Variants in TCF12 observed in about 807,000 individuals in gnomAD.
TCF12 encodes transcription factor 12.
A neutral mutation model predicts 86.0 loss-of-function variants in TCF12; 45 were observed. The ratio of observed to expected loss-of-function variants is 0.52; its 90% CI spans 0.41 to 0.67. TCF12 has a LOEUF of 0.67. Ranked by LOEUF, TCF12 falls within the 30% of genes least tolerant of loss-of-function variation. The pLI is 0.00. For missense variants in TCF12, 881 were observed against 859.9 expected (o/e 1.02, Z -0.31); for synonymous variants, 330 against 299.6 (o/e 1.10, Z -1.05).
intron 5 of TCF12, among the ~76,000 whole-genome samples, chr15:57,123,250 G>C (rs1381233713): frequency 6.6e-6 from 1 of 152,230 alleles, no homozygotes; most frequent in Non-Finnish European, 1.5e-5. Flanking sequence ...ATGAAAGTCT[G>C]AGGCTTTTGC....
chr15:57,285,845 T>C (rs1241824672), intron 20 of TCF12, among the ~76,000 whole-genome samples: 3 of 152,204 alleles, frequency 2.0e-5, no homozygotes, highest in Non-Finnish European at 2.9e-5. Flanking sequence ...GGAGGATTGC[T>C]TGAGCCCAGG....
chr15:57,173,922 G>T (rs1452618724), intron 6 of TCF12, among the ~76,000 whole-genome samples: 3 of 151,810 alleles, frequency 2.0e-5, no homozygotes, highest in African/African-American at 7.3e-5. Context: ...TGGCCAGGCG[G>T]GTCTCAAACC....
intron 5 of TCF12, among the ~76,000 whole-genome samples, chr15:57,160,685 T>C (rs2054441600): frequency 1.3e-5 from 2 of 152,018 alleles, no homozygotes; most frequent in African/African-American, 4.8e-5. Flanking sequence ...GGGGTTTTTT[T>C]GTTTGTGTTT....
intron 3 of TCF12, among the ~76,000 whole-genome samples, chr15:57,021,526 AT>A (rs1457391811): frequency 6.6e-6 from 1 of 152,206 alleles, no homozygotes; most frequent in African/African-American, 2.4e-5. Context: ...TGAGAATGCT[AT>A]TCAGAATGAG....
chr15:56,956,516 T>C (rs1376387771), intron 3 of TCF12, among the ~76,000 whole-genome samples: 3 of 152,158 alleles, frequency 2.0e-5, no homozygotes. Context: ...CATATTTCTA[T>C]CTGGAATCAT....
chr15:57,066,130 T>C (rs1313711886), intron 4 of TCF12, among the ~76,000 whole-genome samples: 1 of 152,142 alleles, frequency 6.6e-6, no homozygotes, highest in Non-Finnish European at 1.5e-5. Flanking sequence ...CAAGGAGAAC[T>C]TTATGGTTGT....
At chr15:56,994,597 G>C (rs530198538) in intron 3 of TCF12, among the ~76,000 whole-genome samples, 31 of 152,116 alleles carry the variant, frequency 2.0e-4, no homozygotes, top group South Asian at 1.2e-3. Flanking sequence ...TTGCTCCTTG[G>C]GGGGAGCAAT....
chr15:57,256,410 G>C (rs1416605108), intron 16 of TCF12, among the ~76,000 whole-genome samples: 2 of 152,040 alleles, frequency 1.3e-5, no homozygotes, highest in East Asian at 3.9e-4. Flanking sequence ...GATTTTGGGG[G>C]CATGTTTTTG....
intron 5 of TCF12, among the ~76,000 whole-genome samples, chr15:57,111,370 C>T (rs1419544270): frequency 6.6e-6 from 1 of 152,080 alleles, no homozygotes; most frequent in Admixed American, 6.5e-5. Context: ...CCTTTTCTCT[C>T]TAAGACCTAA....
In TCF12 at chr15:57,132,577, C is replaced by T. The variant is rs545838754; in HGVS notation, c.326-33825C>T. 1.8e-4 allele frequency among the ~76,000 whole-genome samples: 28 copies of T among 152,248 alleles called. No homozygotes were observed. The South Asian group carries it at 1.9e-3, about 10-fold the overall frequency. ...TGGAATCTAAGGACCTTTAAGGTGC[C>T]GAATTGCCCTCTGAATTATCAAAGA... On this transcript the variant is annotated intron_variant, in intron 5 of 20. Transcript: ENST00000333725.
Position 57,266,729 on chromosome 15 carries a change from GTTC to G in TCF12, c.1745+3457_1745+3459del, listed in dbSNP as rs545585730. Among the ~76,000 whole-genome samples, 805 of 152,190 alleles carry G rather than the reference GTTC, an allele frequency of 5.3e-3. 2 individuals carry two copies. Among genetic ancestry groups the G allele is most frequent in the Non-Finnish European group, 7.8e-3 (532 of 68,002 alleles). ...ATTTTTCCTTCAAATTTTTCTTCCA[GTTC>G]TACATTAAAATTAGATGAGTTAGGC... On this transcript the variant is annotated intron_variant, in intron 18 of 20. Transcript: ENST00000333725.
At chr15:57,181,509 A>G (rs2056349792) in intron 6 of TCF12, among the ~76,000 whole-genome samples, 1 of 152,064 alleles carries the variant, frequency 6.6e-6, no homozygotes. Context: ...CTACAAAATC[A>G]TATTTAGAGT....
intron 3 of TCF12, among the ~76,000 whole-genome samples, chr15:56,970,069 A>G (rs1163958953): frequency 6.6e-6 from 1 of 152,246 alleles, no homozygotes; most frequent in Non-Finnish European, 1.5e-5. Context: ...ATGTGGACAG[A>G]CTAGTGGAAT....
chr15:57,120,602 C>G (rs189100410), intron 5 of TCF12, among the ~76,000 whole-genome samples: 1 of 152,234 alleles, frequency 6.6e-6, no homozygotes, highest in Admixed American at 6.5e-5. Context: ...AAAATTTTAT[C>G]AGCATATTTT....
intron 8 of TCF12, among the ~76,000 whole-genome samples, chr15:57,221,508 C>T (rs1440697311): frequency 6.7e-6 from 1 of 149,098 alleles, no homozygotes; most frequent in Admixed American, 6.7e-5. Flanking sequence ...GCACAGGTTA[C>T]TGTATTACAT....
rs2059703169 is a variant in TCF12, at chr15:56,919,919, T to A, written c.6T>A (p.Asn2Lys). 6.2e-7 allele frequency: 1 copy of A among 1,613,650 alleles called. No homozygotes were observed. Among genetic ancestry groups the A allele is most frequent in the Non-Finnish European group, 8.5e-7 (1 of 1,179,888 alleles). Reference sequence around the variant, plus strand: ...CCTGCTAGAAGTGGCCGAAGATGAATCCCCAGCAACAACGCATGGCCGCTA... The same window carrying A: ...CCTGCTAGAAGTGGCCGAAGATGAAACCCCAGCAACAACGCATGGCCGCTA... MNPQQQRMAAIG... is the reference protein window; with the variant it reads MKPQQQRMAAIG... Residue 2 changes from asparagine to lysine, a missense_variant, in exon 2 of 21, where the codon AAT becomes AAA. Around this residue, in one of 3 missense-constraint regions of TCF12, gnomAD observed 766 missense variants for 718.9 expected, o/e 1.07. Coordinates refer to ENST00000333725, the MANE Select transcript of TCF12 (RefSeq NM_207037.2).
Position 57,287,455 on chromosome 15 carries a change from A to G in TCF12, c.*1310A>G, listed in dbSNP as rs1238857169. The stretch of plus-strand genomic sequence containing the variant: ...TCCCAAAATGATGAGCCAGATTAGC[A>G]TTAAACCAGTACTTGTCAGTCCATC... On this transcript the variant is annotated 3_prime_UTR_variant, in exon 21 of 21. Coordinates refer to ENST00000333725, the MANE Select transcript of TCF12 (RefSeq NM_207037.2). 3 of 152,696 alleles carry G rather than the reference A, an allele frequency of 2.0e-5. No homozygotes were observed. Among genetic ancestry groups the G allele is most frequent in the Non-Finnish European group, 4.4e-5 (3 of 68,084 alleles). The allele number at this position is 152,696 out of a possible 1,614,324, so 9.5% of individuals were successfully genotyped here.
intron 6 of TCF12, among the ~76,000 whole-genome samples, chr15:57,171,752 T>C (rs2055516784): frequency 6.6e-6 from 1 of 152,198 alleles, no homozygotes; most frequent in South Asian, 2.1e-4. Flanking sequence ...CACTGATAGA[T>C]CATTCTGCAG....
At chr15:56,950,745 G>GCT (rs1555455322) in intron 3 of TCF12, among the ~76,000 whole-genome samples, 4,455 of 85,898 alleles carry the variant, frequency 0.052, 2,026 homozygotes, top group South Asian at 0.074. Flanking sequence ...TTATGACCAT[G>GCT]TTTTTTTTTT....
Sources: allele counts gnomAD v4.1 joint callset (sites outside exome capture counted in the v4.1 genomes callset), GRCh38; gene constraint gnomAD v4.1.1; regional missense constraint gnomAD v4.1.1; transcripts MANE v1.5; gene names NCBI Gene and HGNC (gene_info 2026-07-23, HGNC 2026-07-21).